Variants in NTAQ1 observed in about 807,000 individuals in gnomAD.
The protein encoded by NTAQ1 is N-terminal glutamine amidase 1.
NTAQ1 carries 21 observed loss-of-function variants against 28.2 expected under a neutral mutation model. The observed-to-expected ratio is 0.74, with a 90% CI of 0.53 to 1.07. NTAQ1 has a LOEUF of 1.07. Among genes scored for constraint, NTAQ1 ranks in the 50% least tolerant of loss-of-function variants. The probability of loss-of-function intolerance (pLI) is 0.00; values close to 1 mark genes in which losing one functional copy is unlikely to be tolerated. For missense variants in NTAQ1, 264 were observed against 256.6 expected, an observed-to-expected ratio of 1.03 and a Z score of -0.20; for synonymous variants, 105 against 90.0, an observed-to-expected ratio of 1.17 and a Z score of -0.94.
At chr8:123,425,397 A>C (rs1351315808) in intron 1 of NTAQ1, among the ~76,000 whole-genome samples, 1 of 151,922 alleles carries the variant, frequency 6.6e-6, no homozygotes, top group Non-Finnish European at 1.5e-5. Flanking sequence ...CGGCCCAGTC[A>C]GTAAATTTTT....
downstream of NTAQ1, among the ~76,000 whole-genome samples, chr8:123,446,996 T>TA (rs1412467982): frequency 2.0e-5 from 3 of 151,754 alleles, no homozygotes; most frequent in Non-Finnish European, 4.4e-5. Flanking sequence ...AGGGTTCTGT[T>TA]ATCATCTGTG....
At chr8:123,417,021 G>C (rs1297868234) in intron 1 of NTAQ1, 89 bp downstream of exon 1, 4 of 1,289,520 alleles carry the variant, frequency 3.1e-6, no homozygotes, top group Non-Finnish European at 4.0e-6. Context: ...GCCCCTCCTC[G>C]GGGGCGCTCC....
chr8:123,443,075 A>T (rs1043491519), downstream of NTAQ1, among the ~76,000 whole-genome samples: 1 of 151,504 alleles, frequency 6.6e-6, no homozygotes, highest in Non-Finnish European at 1.5e-5. Context: ...GCTGGAGTGC[A>T]GTGGCATGAT....
exon 7 of NTAQ1, among the ~76,000 whole-genome samples, chr8:123,468,798 A>G (rs1816010702): frequency 1.3e-5 from 2 of 152,286 alleles, no homozygotes; most frequent in South Asian, 4.1e-4. Flanking sequence ...TCTGTTTTCC[A>G]TGGGCTCTAC....
chr8:123,444,823 T>C (rs1563899006), downstream of NTAQ1, among the ~76,000 whole-genome samples: 1 of 152,174 alleles, frequency 6.6e-6, no homozygotes. Context: ...GCAGAATTTG[T>C]AAACTGACTA....
chr8:123,472,221 A>C (rs16898375), downstream of NTAQ1, among the ~76,000 whole-genome samples: 2,608 of 152,260 alleles, frequency 0.017, 66 homozygotes, highest in African/African-American at 0.059. Context: ...GAAATGTGTA[A>C]TTAGCCCTGA....
intron 1 of NTAQ1, among the ~76,000 whole-genome samples, chr8:123,421,830 A>G (rs1225725419): frequency 2.0e-5 from 3 of 148,864 alleles, no homozygotes; most frequent in Non-Finnish European, 4.5e-5. Flanking sequence ...CTGGGGCTGC[A>G]GGTGTCCACC....
intron 3 of NTAQ1, among the ~76,000 whole-genome samples, chr8:123,431,942 C>G (rs1018822791): frequency 2.0e-5 from 3 of 152,190 alleles, no homozygotes; most frequent in African/African-American, 7.2e-5. Context: ...GAGTCGTGGT[C>G]TTACTCCCCA....
At chr8:123,469,786 A>G (rs1816023889) in exon 7 of NTAQ1, among the ~76,000 whole-genome samples, 1 of 152,230 alleles carries the variant, frequency 6.6e-6, no homozygotes, top group African/African-American at 2.4e-5. Flanking sequence ...TAGCCAAGGC[A>G]ATATAGGTGT....
At chr8:123,438,787 C>T (rs573459589) in intron 5 of NTAQ1, among the ~76,000 whole-genome samples, 30 of 152,158 alleles carry the variant, frequency 2.0e-4, no homozygotes, top group Admixed American at 1.8e-3. Context: ...ATTTTTGAGG[C>T]TCTCTATGAA....
chr8:123,461,433 C>T (rs537017892), intron 6 of NTAQ1, among the ~76,000 whole-genome samples: 2 of 151,978 alleles, frequency 1.3e-5, no homozygotes, highest in East Asian at 3.9e-4. Context: ...GAAACTCAAC[C>T]CAATGCAGTT....
rs1815075190 is a variant in NTAQ1, at chr8:123,441,642, T to C, written c.*227T>C. The stretch of plus-strand genomic sequence containing the variant: ...GATAAAGTGCGTACTTGCTAAGATA[T>C]TCCTGTGGCTCATGCGTTACAACAC... On this transcript the variant is annotated 3_prime_UTR_variant, in exon 6 of 6. Coordinates refer to ENST00000287387, the MANE Select transcript of NTAQ1 (RefSeq NM_018024.3). 1 of 532,868 alleles carries C rather than the reference T, an allele frequency of 1.9e-6. No homozygotes were observed. Among genetic ancestry groups the C allele is most frequent in the South Asian group, 2.5e-5 (1 of 40,506 alleles). 33.0% of individuals were successfully genotyped at this position (532,868 alleles called of 1,614,324 possible). A position where few individuals can be genotyped will look rare whatever the true frequency, so the allele number is the denominator to read the frequency against.
At chr8:123,432,496 G>T (rs62520973) in intron 3 of NTAQ1, among the ~76,000 whole-genome samples, 54,612 of 151,046 alleles carry the variant, frequency 0.36, 9,910 homozygotes, top group East Asian at 0.56. Context: ...AAAAATTAGC[G>T]TGGTGGTGGG....
intron 3 of NTAQ1, among the ~76,000 whole-genome samples, chr8:123,430,503 C>T (rs763271539): frequency 2.0e-5 from 3 of 152,042 alleles, no homozygotes; most frequent in South Asian, 4.1e-4. Flanking sequence ...TTAGGCCGGG[C>T]GCAGTGGCTC....
chr8:123,426,410 C>G (rs1018544852), intron 1 of NTAQ1, among the ~76,000 whole-genome samples: 2 of 152,168 alleles, frequency 1.3e-5, no homozygotes, highest in African/African-American at 4.8e-5. Context: ...TGGCTCATAC[C>G]TGTAATCCCA....
At chr8:123,428,449 C>T (rs1448427162) in intron 2 of NTAQ1, among the ~76,000 whole-genome samples, 1 of 152,000 alleles carries the variant, frequency 6.6e-6, no homozygotes, top group Non-Finnish European at 1.5e-5. Flanking sequence ...CCTCCCACCT[C>T]AGCCCCCCAA....
intron 3 of NTAQ1, 152 bp downstream of exon 3, chr8:123,430,185 A>G (rs1814311786): frequency 8.2e-6 from 4 of 486,574 alleles, no homozygotes; most frequent in Non-Finnish European, 1.1e-5. Flanking sequence ...ATGTTATTTG[A>G]TCTAAGGTAG....
At chr8:123,417,015 C>T (rs1312659803) in intron 1 of NTAQ1, 83 bp downstream of exon 1, 17 of 1,321,938 alleles carry the variant, frequency 1.3e-5, no homozygotes, top group Admixed American at 3.5e-5. Context: ...TTCCCGGCCC[C>T]TCCTCGGGGG....
downstream of NTAQ1, among the ~76,000 whole-genome samples, chr8:123,449,455 C>T (rs1189384202): frequency 6.6e-6 from 1 of 152,104 alleles, no homozygotes. Context: ...GTGGCTCATG[C>T]CTATAATCCC....
Sources: allele counts gnomAD v4.1 joint callset (sites outside exome capture counted in the v4.1 genomes callset), GRCh38; gene constraint gnomAD v4.1.1; transcripts MANE v1.5; gene names NCBI Gene and HGNC (gene_info 2026-07-23, HGNC 2026-07-21).